NFASC: variants seen among roughly 807,000 people sequenced by gnomAD.
NFASC encodes the protein neurofascin, also known as neurofascin homolog.
NFASC carries 43 observed loss-of-function variants against 147.5 expected under a neutral mutation model. The ratio of observed to expected loss-of-function variants is 0.29; its 90% CI spans 0.23 to 0.38. The LOEUF is 0.38. Among genes scored for constraint, NFASC ranks in the 10% least tolerant of loss-of-function variants. The pLI, the probability that NFASC is intolerant of heterozygous loss-of-function variation, is 1.00. For missense variants in NFASC, 1,320 were observed against 1,689.0 expected (o/e 0.78, Z 3.83); for synonymous variants, 622 against 665.5 (o/e 0.93, Z 1.01).
chr1:205,007,536 T>C (rs767821235), intron 27 of NFASC, among the ~76,000 whole-genome samples: 1 of 151,576 alleles, frequency 6.6e-6, no homozygotes, highest in Non-Finnish European at 1.5e-5. Flanking sequence ...AAATAGATAA[T>C]GATAGATCTA....
chr1:204,830,674 A>G, intron 1 of NFASC, among the ~76,000 whole-genome samples: 1 of 148,926 alleles, frequency 6.7e-6, no homozygotes, highest in Non-Finnish European at 1.5e-5. Context: ...AGAGAGAGAG[A>G]GAGAATTATG....
intron 20 of NFASC, among the ~76,000 whole-genome samples, chr1:204,980,848 G>C (rs143057224): frequency 6.6e-6 from 1 of 152,232 alleles, no homozygotes; most frequent in Non-Finnish European, 1.5e-5. Context: ...TGTGGGAGCT[G>C]GGGAGAGACC....
chr1:204,954,762 G>A lies in NFASC; in HGVS notation c.413-67G>A. On this transcript the variant is annotated intron_variant, in intron 6 of 29. Transcript: ENST00000339876. The surrounding 1 kb of genome is among the most constrained non-coding windows in gnomAD (Gnocchi z 5.7). ...TTCTCCTCCTTGCATGCCTGCCTCT[G>A]ACCCTGCTCCTTGCCCCGGGCCCAG... The A allele has an allele frequency of 6.3e-7, 1 of 1,581,186 alleles. No homozygotes were observed. The highest frequency in any genetic ancestry group is 2.2e-5 in the East Asian group (1 of 44,524).
rs779005053 is a variant in NFASC, at chr1:204,968,332, C to T, written c.790C>T (p.Leu264Phe). 24 of 1,614,024 alleles carry T rather than the reference C, an allele frequency of 1.5e-5. No individual in the cohort carries two copies. Among genetic ancestry groups the T allele is most frequent in the Non-Finnish European group, 1.9e-5 (23 of 1,179,976 alleles). ...SSQMVLRGMD[L>F]LLECIASGVP... ...CCAGATGGTGCTTCGTGGCATGGAC[C>T]TCCTGCTGGAATGCATCGCCTCCGG... Residue 264 changes from leucine (L) to phenylalanine (F), a missense_variant, in exon 9 of 30, where the codon CTC (leucine) becomes TTC (phenylalanine). By Grantham distance (22) the Leu-to-Phe change is conservative. Around this residue, in one of 3 missense-constraint regions of NFASC, gnomAD observed 981 missense variants for 1,289.5 expected, o/e 0.76. Transcript: ENST00000339876. The surrounding 1 kb of genome is among the most constrained non-coding windows in gnomAD (Gnocchi z 5.4).
chr1:204,853,925 A>G (rs2075916191), intron 1 of NFASC, among the ~76,000 whole-genome samples: 1 of 152,192 alleles, frequency 6.6e-6, no homozygotes, highest in African/African-American at 2.4e-5. Context: ...ACAGGCCACA[A>G]GAGAGCTGAT....
intron 8 of NFASC, chr1:204,967,967 C>T: frequency 3.6e-6 from 1 of 281,050 alleles, no homozygotes. Flanking sequence ...CAGCCCCTCC[C>T]CGTTCCAGGG....
intron 1 of NFASC, among the ~76,000 whole-genome samples, chr1:204,833,230 C>G (rs1672744924): frequency 6.6e-6 from 1 of 152,226 alleles, no homozygotes; most frequent in Non-Finnish European, 1.5e-5. Context: ...AGGCACCCTA[C>G]TCTATGCTTT....
At chr1:204,885,834 G>C (rs931749797) in intron 1 of NFASC, among the ~76,000 whole-genome samples, 7 of 152,178 alleles carry the variant, frequency 4.6e-5, no homozygotes, top group Admixed American at 4.6e-4. Context: ...CACTCCTGTC[G>C]AAGGGTGAGT....
chr1:204,871,785 C>A (rs1211685338), intron 1 of NFASC, among the ~76,000 whole-genome samples: 1 of 152,190 alleles, frequency 6.6e-6, no homozygotes, highest in East Asian at 1.9e-4. Context: ...GAAGACAGAG[C>A]CCACACAGGC....
At chr1:204,993,435 T>G (rs1388360411) in intron 24 of NFASC, among the ~76,000 whole-genome samples, 1 of 152,218 alleles carries the variant, frequency 6.6e-6, no homozygotes, top group Admixed American at 6.5e-5. Flanking sequence ...CGTGGCAGGT[T>G]CTGGGACAGA....
At position 205,020,070 on chromosome 1, in the gene NFASC, C is replaced by G. The variant is rs1225842162; in HGVS notation, c.*3531C>G. ...CTAACAGGAAAGCCAAACCAGCACCCTCCTTTGTGCTCTGAGAGGTTGGAG... is the reference window on the plus strand; with the variant it reads ...CTAACAGGAAAGCCAAACCAGCACCGTCCTTTGTGCTCTGAGAGGTTGGAG... On this transcript the variant is annotated 3_prime_UTR_variant, in exon 30 of 30. Transcript: ENST00000339876. 6.6e-6 allele frequency: 1 copy of G among 152,246 alleles called. No homozygotes were observed. The highest frequency in any genetic ancestry group is 1.5e-5 in the Non-Finnish European group (1 of 68,072). 9.4% of individuals were successfully genotyped at this position (152,246 alleles called of 1,614,324 possible).
At position 204,847,399 on chromosome 1, in the gene NFASC, C is replaced by G. The variant is rs546493157; in HGVS notation, c.-200+18617C>G. On this transcript the variant is annotated intron_variant, in intron 1 of 29. Transcript: ENST00000339876. ...CAGGGCTACCTTCCCATCTGGTAGCCCAGGGTTCTCTAGCCCTGATCTATT... is the reference window on the plus strand; with the variant it reads ...CAGGGCTACCTTCCCATCTGGTAGCGCAGGGTTCTCTAGCCCTGATCTATT... 7.9e-5 allele frequency among the ~76,000 whole-genome samples: 12 copies of G among 152,244 alleles called. No individual in the cohort carries two copies. The East Asian group carries it at 2.1e-3, about 27-fold the overall frequency.
chr1:204,951,121 C>A (rs1391586787), intron 4 of NFASC, among the ~76,000 whole-genome samples: 3 of 151,260 alleles, frequency 2.0e-5, no homozygotes, highest in Admixed American at 6.6e-5. Context: ...AAAAGTCTGG[C>A]CTTCAGTTTC....
rs1387659991 is a variant in NFASC, at chr1:205,018,784, G to T, written c.*2245G>T. 6.6e-6 allele frequency: 1 copy of T among 152,404 alleles called. No individual in the cohort carries two copies. Among genetic ancestry groups the T allele is most frequent in the Non-Finnish European group, 1.5e-5 (1 of 68,068 alleles). 9.4% of individuals were successfully genotyped at this position (152,404 alleles called of 1,614,324 possible). ...GTTTCTCAGACACTCATTCCATACT[G>T]CACCGTACATGCCAGCGTACCCATT... On this transcript the variant is annotated 3_prime_UTR_variant, in exon 30 of 30. Transcript: ENST00000339876.
intron 2 of NFASC, among the ~76,000 whole-genome samples, chr1:204,941,791 C>T (rs1013450372): frequency 1.5e-4 from 23 of 152,180 alleles, no homozygotes; most frequent in African/African-American, 5.6e-4. Context: ...TCTCTTAACC[C>T]TCTTTCAGCT....
intron 2 of NFASC, among the ~76,000 whole-genome samples, chr1:204,927,390 G>A (rs1023853627): frequency 6.6e-6 from 1 of 152,154 alleles, no homozygotes; most frequent in Non-Finnish European, 1.5e-5. Flanking sequence ...CCCCACATCA[G>A]TAATTCATTT....
chr1:204,938,965 T>C (rs1239561767), intron 2 of NFASC, among the ~76,000 whole-genome samples: 1 of 151,972 alleles, frequency 6.6e-6, no homozygotes, highest in Non-Finnish European at 1.5e-5. Flanking sequence ...GGAGTTTTTA[T>C]GAAACAGTAC....
At chr1:204,901,514 C>T (rs1000481320) in intron 1 of NFASC, among the ~76,000 whole-genome samples, 1 of 152,092 alleles carries the variant, frequency 6.6e-6, no homozygotes, top group East Asian at 1.9e-4. Context: ...CCATTGGACT[C>T]AGCACGTTGA....
At position 204,975,419 on chromosome 1, in the gene NFASC, G is replaced by A; in HGVS notation, c.1706+1G>A. ...ACGAGCCGCTCTATATTGGAAACAG[G>A]TTTCTCTTCCCCCTTCCCCCTTCCT... is the stretch of plus-strand genomic sequence containing the variant. On this transcript the variant is annotated splice_donor_variant, in intron 15 of 29. Transcript: ENST00000339876. LOFTEE classifies it high-confidence loss of function. This position sits in a 1 kb window ranked among gnomAD's most constrained non-coding sequence, Gnocchi z 4.0. The A allele has an allele frequency of 6.2e-7, 1 of 1,609,914 alleles. No individual in the cohort carries two copies. The highest frequency in any genetic ancestry group is 8.5e-7 in the Non-Finnish European group (1 of 1,176,576).
Sources: gnomAD v4.1 joint callset for allele counts (sites outside exome capture counted in the v4.1 genomes callset) on GRCh38, gnomAD v4.1.1 for gene constraint, gnomAD v4.1.1 regional missense constraint, Gnocchi (gnomAD v3.1) non-coding constraint, MANE v1.5 for transcripts, NCBI Gene and HGNC (gene_info 2026-07-23, HGNC 2026-07-21) for gene names.